TESC: variants seen among roughly 807,000 people sequenced by gnomAD.
TESC encodes calcineurin B homologous protein 3.
TESC carries 19 observed loss-of-function variants against 31.0 expected under a neutral mutation model. That is an observed-to-expected ratio of 0.61 (90% CI 0.43 to 0.90). TESC has a LOEUF of 0.90. Among genes scored for constraint, TESC ranks in the 40% least tolerant of loss-of-function variants. The pLI, the probability that TESC is intolerant of heterozygous loss-of-function variation, is 0.00. For missense variants in TESC, 248 were observed against 303.8 expected, an observed-to-expected ratio of 0.82 and a Z score of 1.36; for synonymous variants, 109 against 114.8, an observed-to-expected ratio of 0.95 and a Z score of 0.32.
chr12:117,042,052 C>A, intron 6 of TESC, 58 bp from the exon 7 acceptor site: 1 of 1,539,864 alleles, frequency 6.5e-7, no homozygotes, highest in Non-Finnish European at 8.8e-7. Context: ...ACAGCTTCCG[C>A]AGGGGGACGG....
chr12:117,097,399 CCCT>C (rs971263998), intron 1 of TESC, among the ~76,000 whole-genome samples: 2 of 152,070 alleles, frequency 1.3e-5, no homozygotes, highest in African/African-American at 2.4e-5. Flanking sequence ...GCTCTGCAGC[CCCT>C]CCTCCCTGTC....
At chr12:117,048,616 CCTGTGTGCCAAAGGCTGA>C (rs1330177762) in intron 4 of TESC, 1 of 435,616 alleles carries the variant, frequency 2.3e-6, no homozygotes, top group East Asian at 6.9e-5. Context: ...GGGAGCGCTT[CCTGTGTGCCAAAGGCTGA>C]CTGTGTGATC....
At position 117,075,289 on chromosome 12, in the gene TESC, C is replaced by A; in HGVS notation, c.110G>T (p.Gly37Val). Residue 37 changes from glycine to valine, a missense_variant, in exon 2 of 8, where the codon GGA becomes GTA. Coordinates refer to ENST00000335209, the MANE Select transcript of TESC (RefSeq NM_017899.4). Reference protein sequence around the residue: ...QLHRRFKQLSGDQPTIRKENF... With the variant: ...QLHRRFKQLSVDQPTIRKENF... ...ATCTTACCGAATGGTAGGCTGATCT[C>A]CACTCAGCTGCTTAAATCTCCGATG... 6.2e-7 allele frequency: 1 copy of A among 1,612,490 alleles called. No individual in the cohort carries two copies. The highest frequency in any genetic ancestry group is 1.1e-5 in the South Asian group (1 of 91,066).
chr12:117,096,148 C>T (rs1955392229), intron 1 of TESC, among the ~76,000 whole-genome samples: 1 of 152,190 alleles, frequency 6.6e-6, no homozygotes. Flanking sequence ...CTCAGCCTGA[C>T]CTTCTGGTCC....
At chr12:117,099,175 C>T (rs1422088472) in intron 1 of TESC, 50 bp downstream of exon 1, 28 of 1,464,848 alleles carry the variant, frequency 1.9e-5, no homozygotes, top group Non-Finnish European at 2.1e-5. Context: ...CAACAGTGGC[C>T]GTTCGGAGGT....
intron 5 of TESC, 51 bp downstream of exon 5, chr12:117,046,726 A>C: frequency 6.4e-7 from 1 of 1,553,448 alleles, no homozygotes. Flanking sequence ...CGTGGGGGGC[A>C]GAGGGGGAAG....
At chr12:117,073,116 C>T (rs1050323661) in intron 2 of TESC, among the ~76,000 whole-genome samples, 1 of 152,212 alleles carries the variant, frequency 6.6e-6, no homozygotes, top group Non-Finnish European at 1.5e-5. Context: ...ATGCTACACA[C>T]TCCTCAGCCT....
intron 1 of TESC, among the ~76,000 whole-genome samples, chr12:117,082,101 A>G (rs922898852): frequency 3.3e-5 from 5 of 151,532 alleles, no homozygotes; most frequent in Middle Eastern, 3.4e-3. Context: ...GGTGTGGACT[A>G]GTGAGGCTGA....
Position 117,046,677 on chromosome 12 carries a change from G to A in TESC, c.412-11C>T, listed in dbSNP as rs1954567917. 1 of 1,552,212 alleles carries A rather than the reference G, an allele frequency of 6.4e-7. No homozygotes were observed. Among genetic ancestry groups the A allele is most frequent in the Non-Finnish European group, 8.7e-7 (1 of 1,147,186 alleles). On this transcript the variant is annotated splice_polypyrimidine_tract_variant and intron_variant, in intron 5 of 7. Transcript: ENST00000335209. Reference sequence around the variant, plus strand: ...CAGCTCCTCGACCACCTGCCAGGTGGGGCGGAAACAAACGGTGACCTTGGG... The same window carrying A: ...CAGCTCCTCGACCACCTGCCAGGTGAGGCGGAAACAAACGGTGACCTTGGG...
Position 117,056,848 on chromosome 12 carries a change from T to A in TESC, c.167A>T (p.Asn56Ile). The change falls in exon 3 of 8, where the codon AAC (asparagine) becomes ATC (isoleucine). Residue 56 changes from asparagine (N) to isoleucine (I), a missense_variant. Asn to Ile is a moderately radical substitution (Grantham distance 149). Coordinates refer to ENST00000335209, the MANE Select transcript of TESC (RefSeq NM_017899.4). ...NFNNVPDLEL[N>I]PIRSKIVRAF... The stretch of plus-strand genomic sequence containing the variant: ...ACGAACAATTTTGGATCGGATGGGG[T>A]TGAGCTCCAGGTCCGGGACATTGTT... The A allele has an allele frequency of 2.5e-6, 4 of 1,613,846 alleles. No individual in the cohort carries two copies. Among genetic ancestry groups the A allele is most frequent in the Non-Finnish European group, 3.4e-6 (4 of 1,179,970 alleles).
chr12:117,050,040 C>T (rs2135753610), intron 3 of TESC, among the ~76,000 whole-genome samples: 1 of 152,110 alleles, frequency 6.6e-6, no homozygotes, highest in African/African-American at 2.4e-5. Context: ...TGAGCTCAAG[C>T]CATCCTCCTG....
intron 1 of TESC, chr12:117,098,574 G>C (rs902149702): frequency 2.6e-5 from 4 of 152,276 alleles, no homozygotes; most frequent in African/African-American, 9.6e-5. Context: ...CCTCCGGGCC[G>C]ATGCGGGGCG....
Position 117,046,806 on chromosome 12 carries a change from C to A in TESC, c.382G>T (p.Gly128Cys). Residue 128 changes from glycine to cysteine, a missense_variant, in exon 5 of 8, where the codon GGC becomes TGC. Physicochemically the swap from Gly to Cys is radical, Grantham distance 159. Coordinates refer to ENST00000335209, the MANE Select transcript of TESC (RefSeq NM_017899.4). ...CGATATTCTTCCAGAGTGATGCGGCCGTCGCTGTCCGAGTCGTACATGTGG... is the reference window on the plus strand; with the variant it reads ...CGATATTCTTCCAGAGTGATGCGGCAGTCGCTGTCCGAGTCGTACATGTGG... ...LFHMYDSDSD[G>C]RITLEEYRNV... 2 of 1,570,944 alleles carry A rather than the reference C, an allele frequency of 1.3e-6. No individual in the cohort carries two copies. Among genetic ancestry groups the A allele is most frequent in the Non-Finnish European group, 8.6e-7 (1 of 1,157,474 alleles).
At chr12:117,041,056 G>A (rs1261405169) in intron 7 of TESC, among the ~76,000 whole-genome samples, 1 of 152,136 alleles carries the variant, frequency 6.6e-6, no homozygotes, top group Non-Finnish European at 1.5e-5. Context: ...TGGGGACAGG[G>A]GTCCTCTCCC....
chr12:117,091,757 C>G (rs555140089), intron 1 of TESC, among the ~76,000 whole-genome samples: 11 of 152,200 alleles, frequency 7.2e-5, no homozygotes, highest in Non-Finnish European at 1.6e-4. Context: ...CACCTAGATT[C>G]CAGAACTTTC....
intron 7 of TESC, among the ~76,000 whole-genome samples, chr12:117,041,313 A>G (rs1954480160): frequency 6.6e-6 from 1 of 151,970 alleles, no homozygotes; most frequent in African/African-American, 2.4e-5. Flanking sequence ...AAGTTCCCAG[A>G]ATCCCTGTTC....
chr12:117,046,766 G>A lies in TESC; in HGVS notation c.411+11C>T, dbSNP rs373499617. 20 of 1,560,700 alleles carry A rather than the reference G, an allele frequency of 1.3e-5. No individual in the cohort carries two copies. The highest frequency in any genetic ancestry group is 1.7e-5 in the Non-Finnish European group (20 of 1,151,860). On this transcript the variant is annotated intron_variant, in intron 5 of 7. Coordinates refer to ENST00000335209, the MANE Select transcript of TESC (RefSeq NM_017899.4). Reference sequence around the variant, plus strand: ...CAGGAGCCCCGGGCGGGCCAGAGGAGCATACTTTACATTTCGATATTCTTC... The same window carrying A: ...CAGGAGCCCCGGGCGGGCCAGAGGAACATACTTTACATTTCGATATTCTTC...
chr12:117,076,446 G>C (rs1955075244), intron 1 of TESC, among the ~76,000 whole-genome samples: 1 of 152,090 alleles, frequency 6.6e-6, no homozygotes, highest in East Asian at 1.9e-4. Context: ...TATTATCTCA[G>C]GTATTTTGTT....
At chr12:117,079,889 T>C (rs1322481845) in intron 1 of TESC, among the ~76,000 whole-genome samples, 3 of 152,236 alleles carry the variant, frequency 2.0e-5, no homozygotes, top group African/African-American at 7.2e-5. Flanking sequence ...GGTGTGTGAA[T>C]TATATCTCAA....
Sources: allele counts gnomAD v4.1 joint callset (sites outside exome capture counted in the v4.1 genomes callset), GRCh38; gene constraint gnomAD v4.1.1; transcripts MANE v1.5; gene names NCBI Gene and HGNC (gene_info 2026-07-23, HGNC 2026-07-21).